Variants in KCTD8 observed in about 807,000 individuals in gnomAD.
KCTD8 encodes BTB/POZ domain-containing protein KCTD8.
Under a neutral mutation model 31.5 loss-of-function variants are expected in KCTD8, and 27 were observed. The ratio of observed to expected loss-of-function variants is 0.86; its 90% confidence interval spans 0.63 to 1.18. The LOEUF (loss-of-function observed/expected upper bound fraction) is 1.18, where lower values mean the gene tolerates loss of function less well. KCTD8 is among the 50% of genes most tolerant of loss of function. KCTD8 has a pLI of 0.00. For missense variants in KCTD8, 658 were observed against 647.7 expected, an observed-to-expected ratio of 1.02 and a Z score of -0.17; for synonymous variants, 290 against 280.0, an observed-to-expected ratio of 1.04 and a Z score of -0.36.
At chr4:44,184,500 A>C (rs562181223) in intron 1 of KCTD8, among the ~76,000 whole-genome samples, 34 of 152,074 alleles carry the variant, frequency 2.2e-4, no homozygotes, top group Non-Finnish European at 3.5e-4. Context: ...TCCTTTTTTC[A>C]TCCTGACATG....
chr4:44,448,163 G>A lies in KCTD8; in HGVS notation c.361C>T (p.Pro121Ser), dbSNP rs1263459958. 5.6e-6 allele frequency: 9 copies of A among 1,612,380 alleles called. No individual in the cohort carries two copies. The highest frequency in any genetic ancestry group is 2.2e-5 in the South Asian group (2 of 91,042). Reference sequence around the variant, plus strand: ...CGCTCCTTCTCGGGGAAGTGCTCCGGCAGCGCGAGTTGCTTGTCCCGCAGA... The same window carrying A: ...CGCTCCTTCTCGGGGAAGTGCTCCGACAGCGCGAGTTGCTTGTCCCGCAGA... ...DYLRDKQLAL[P>S]EHFPEKERLL... The change falls in exon 1 of 2, where the codon CCG (proline) becomes TCG (serine). Residue 121 changes from proline (P) to serine (S), a missense_variant. By Grantham distance (74) the Pro-to-Ser change is moderately conservative. Coordinates refer to ENST00000360029, the MANE Select transcript of KCTD8 (RefSeq NM_198353.3). The surrounding 1 kb of genome is among the most constrained non-coding windows in gnomAD (Gnocchi z 4.1).
At chr4:44,290,421 A>G (rs1717236932) in intron 1 of KCTD8, among the ~76,000 whole-genome samples, 1 of 152,150 alleles carries the variant, frequency 6.6e-6, no homozygotes, top group African/African-American at 2.4e-5. Context: ...TAAGAAAGCT[A>G]ACAAGTTTTT....
intron 1 of KCTD8, among the ~76,000 whole-genome samples, chr4:44,341,956 G>A (rs1718909659): frequency 6.6e-6 from 1 of 152,176 alleles, no homozygotes; most frequent in Non-Finnish European, 1.5e-5. Flanking sequence ...AAATAGTAAG[G>A]CTTAAAGGTC....
At chr4:44,296,113 A>C (rs1038149437) in intron 1 of KCTD8, among the ~76,000 whole-genome samples, 6 of 152,154 alleles carry the variant, frequency 3.9e-5, no homozygotes, top group African/African-American at 1.2e-4. Flanking sequence ...GTTATTTAAG[A>C]AATGGCAGCA....
At chr4:44,184,071 C>T (rs906072003) in intron 1 of KCTD8, among the ~76,000 whole-genome samples, 10 of 152,166 alleles carry the variant, frequency 6.6e-5, no homozygotes, top group African/African-American at 2.4e-4. Context: ...GACACACACA[C>T]ATGTGCACAC....
chr4:44,223,129 A>C (rs533555079), intron 1 of KCTD8, among the ~76,000 whole-genome samples: 3 of 152,302 alleles, frequency 2.0e-5, no homozygotes, highest in African/African-American at 7.2e-5. Context: ...GATTTTTAAA[A>C]ATATAATTTG....
At chr4:44,438,872 C>A (rs1394978492) in intron 1 of KCTD8, among the ~76,000 whole-genome samples, 1 of 152,176 alleles carries the variant, frequency 6.6e-6, no homozygotes, top group East Asian at 1.9e-4. Context: ...GTGCCTGATA[C>A]CATTCTAACT....
intron 1 of KCTD8, among the ~76,000 whole-genome samples, chr4:44,199,375 C>T (rs1205522118): frequency 2.0e-5 from 3 of 152,014 alleles, no homozygotes; most frequent in South Asian, 2.1e-4. Flanking sequence ...ACACTTAGAA[C>T]GTATTCAAAA....
intron 1 of KCTD8, among the ~76,000 whole-genome samples, chr4:44,429,483 T>G (rs956851122): frequency 1.3e-5 from 2 of 151,704 alleles, no homozygotes; most frequent in African/African-American, 4.8e-5. Context: ...AGGGGCTGTT[T>G]TGGAGGCATG....
chr4:44,216,008 T>A (rs1469659166), intron 1 of KCTD8, among the ~76,000 whole-genome samples: 1 of 152,130 alleles, frequency 6.6e-6, no homozygotes, highest in Non-Finnish European at 1.5e-5. Flanking sequence ...TAAAATTTTA[T>A]TAAATATATA....
rs542213819 is a variant in KCTD8 at position 44,326,291 on chromosome 4, G to C, written c.961+121272C>G. 4.9e-4 allele frequency among the ~76,000 whole-genome samples: 75 copies of C among 151,876 alleles called. 2 individuals are homozygous for C. The highest frequency in any genetic ancestry group is 1.7e-3 in the African/African-American group (72 of 41,382). On this transcript the variant is annotated intron_variant, in intron 1 of 1. Transcript: ENST00000360029. ...AGCACCAATGACTATGATTAGACAT[G>C]ATTGGGTGCATGTGTATATGTCTAT...
chr4:44,301,269 T>C (rs1385083658), intron 1 of KCTD8, among the ~76,000 whole-genome samples: 4 of 152,086 alleles, frequency 2.6e-5, no homozygotes, highest in Non-Finnish European at 4.4e-5. Flanking sequence ...ATTTCTAGTT[T>C]TAGATCCCTG....
chr4:44,193,092 C>T (rs1320443173), intron 1 of KCTD8, among the ~76,000 whole-genome samples: 1 of 152,134 alleles, frequency 6.6e-6, no homozygotes, highest in Non-Finnish European at 1.5e-5. Context: ...CTGACTAATA[C>T]ACCACTAGTT....
chr4:44,274,224 A>G (rs1028892121), intron 1 of KCTD8, among the ~76,000 whole-genome samples: 1 of 151,934 alleles, frequency 6.6e-6, no homozygotes, highest in Non-Finnish European at 1.5e-5. Flanking sequence ...GGGAGATTTA[A>G]CTTTCTAACT....
At chr4:44,204,667 C>A (rs1714251488) in intron 1 of KCTD8, among the ~76,000 whole-genome samples, 1 of 152,058 alleles carries the variant, frequency 6.6e-6, no homozygotes, top group South Asian at 2.1e-4. Context: ...AACTAGGTAT[C>A]TGAGGGGTTT....
rs183830722 is a variant in KCTD8, at chr4:44,241,296, C to A, written c.962-66046G>T. The stretch of plus-strand genomic sequence containing the variant: ...AATATTACAATTGTAAAAGAAAATT[C>A]GGTTTTTCTGGACAATATGCAATCA... On this transcript the variant is annotated intron_variant, in intron 1 of 1. Coordinates refer to ENST00000360029, the MANE Select transcript of KCTD8 (RefSeq NM_198353.3). 3.3e-5 allele frequency among the ~76,000 whole-genome samples: 5 copies of A among 152,288 alleles called. No homozygotes were observed. The East Asian group carries it at 7.7e-4, about 24-fold the overall frequency.
chr4:44,425,762 CA>C (rs1721330427), intron 1 of KCTD8, among the ~76,000 whole-genome samples: 2 of 151,900 alleles, frequency 1.3e-5, no homozygotes, highest in Admixed American at 1.3e-4. Context: ...TCTATCAACG[CA>C]ATCTATCCAT....
At chr4:44,443,618 C>G (rs758528102) in intron 1 of KCTD8, among the ~76,000 whole-genome samples, 2 of 152,118 alleles carry the variant, frequency 1.3e-5, no homozygotes, top group Non-Finnish European at 2.9e-5. Flanking sequence ...AAAAGATATA[C>G]CAAATTTAAA....
chr4:44,220,404 A>G (rs559507625), intron 1 of KCTD8, among the ~76,000 whole-genome samples: 1 of 152,338 alleles, frequency 6.6e-6, no homozygotes, highest in South Asian at 2.1e-4. Flanking sequence ...GAGTTCACCA[A>G]TATTTGATGA....
Sources: gnomAD v4.1 joint callset for allele counts (sites outside exome capture counted in the v4.1 genomes callset) on GRCh38, gnomAD v4.1.1 for gene constraint, Gnocchi (gnomAD v3.1) non-coding constraint, MANE v1.5 for transcripts, NCBI Gene and HGNC (gene_info 2026-07-23, HGNC 2026-07-21) for gene names.